Variants in NRG1 observed in about 807,000 individuals in gnomAD.
NRG1 encodes neuregulin 1.
A neutral mutation model predicts 63.8 loss-of-function variants in NRG1; 18 were observed. The ratio of observed to expected loss-of-function variants is 0.28; its 90% CI spans 0.19 to 0.42. The LOEUF (loss-of-function observed/expected upper bound fraction) is 0.42, where lower values mean the gene tolerates loss of function less well. NRG1 is among the 10% of genes least tolerant of loss of function. The probability of loss-of-function intolerance (pLI) is 1.00; values close to 1 mark genes in which losing one functional copy is unlikely to be tolerated. For missense variants in NRG1, 762 were observed against 814.7 expected (o/e 0.94, Z 0.79); for synonymous variants, 302 against 301.3 (o/e 1.00, Z -0.02).
In NRG1 at chr8:32,506,710, G is replaced by T. The variant is rs140237561; in HGVS notation, c.38-89118G>T. Among the ~76,000 whole-genome samples, 8 of 152,026 alleles carry T rather than the reference G, an allele frequency of 5.3e-5. No individual in the cohort carries two copies. In the East Asian group the frequency reaches 1.4e-3, roughly 26 times the overall value. ...ACCAGGCTCTCTGCAGAAATCTTGG[G>T]GGGTATGTGGGGGGATCTTTTTGAC... On this transcript the variant is annotated intron_variant, in intron 1 of 10. Transcript: ENST00000519301.
chr8:31,921,806 T>C (rs1254762394), intron 1 of NRG1, among the ~76,000 whole-genome samples: 2 of 152,210 alleles, frequency 1.3e-5, no homozygotes, highest in African/African-American at 4.8e-5. Flanking sequence ...TTGGTTGCAA[T>C]TATGGAGATG....
At chr8:32,736,738 A>C (rs1383529444) in intron 6 of NRG1, among the ~76,000 whole-genome samples, 2 of 152,094 alleles carry the variant, frequency 1.3e-5, no homozygotes, top group Non-Finnish European at 2.9e-5. Flanking sequence ...TTCCTGATCA[A>C]GGGAGGGTTT....
At chr8:32,628,426 C>T (rs937345447) in intron 5 of NRG1, among the ~76,000 whole-genome samples, 1 of 152,024 alleles carries the variant, frequency 6.6e-6, no homozygotes, top group Non-Finnish European at 1.5e-5. Flanking sequence ...TCCAAGTTAT[C>T]TGTGAGAAAA....
At chr8:31,985,820 G>A (rs187750716) in intron 1 of NRG1, among the ~76,000 whole-genome samples, 6 of 152,138 alleles carry the variant, frequency 3.9e-5, no homozygotes, top group Admixed American at 2.0e-4. Context: ...TATATTGTCC[G>A]TTCTTAGGGG....
chr8:32,009,705 C>A (rs891506049), intron 1 of NRG1, among the ~76,000 whole-genome samples: 6 of 151,906 alleles, frequency 3.9e-5, no homozygotes, highest in African/African-American at 1.4e-4. Flanking sequence ...TTAGACTCTT[C>A]AGACTAGATC....
chr8:32,335,648 A>G (rs752468931), intron 1 of NRG1, among the ~76,000 whole-genome samples: 4 of 152,192 alleles, frequency 2.6e-5, no homozygotes, highest in Non-Finnish European at 5.9e-5. Flanking sequence ...CCTTGCACAT[A>G]ATAGGCCTTC....
At chr8:31,718,274 C>T (rs1812558548) in intron 1 of NRG1, among the ~76,000 whole-genome samples, 1 of 152,008 alleles carries the variant, frequency 6.6e-6, no homozygotes, top group African/African-American at 2.4e-5. Context: ...AATTCTACAT[C>T]CCCTGTCTTT....
intron 1 of NRG1, among the ~76,000 whole-genome samples, chr8:31,691,426 T>C (rs1355154211): frequency 6.6e-6 from 1 of 151,552 alleles, no homozygotes; most frequent in Non-Finnish European, 1.5e-5. Context: ...AAACCCCGTC[T>C]CTACTAAAAA....
intron 1 of NRG1, among the ~76,000 whole-genome samples, chr8:31,894,096 T>C (rs912970415): frequency 6.6e-6 from 1 of 152,132 alleles, no homozygotes; most frequent in African/African-American, 2.4e-5. Flanking sequence ...TGACAGATTC[T>C]GATATAGATA....
At chr8:32,459,653 CT>C (rs988228295) in intron 1 of NRG1, among the ~76,000 whole-genome samples, 77 of 151,842 alleles carry the variant, frequency 5.1e-4, no homozygotes, top group Middle Eastern at 3.4e-3. Context: ...TTGTTGCTCC[CT>C]TGTTTAAACT....
intron 1 of NRG1, among the ~76,000 whole-genome samples, chr8:32,549,861 G>C (rs1200699588): frequency 6.6e-6 from 1 of 152,152 alleles, no homozygotes; most frequent in Non-Finnish European, 1.5e-5. Context: ...TTTATTTTTT[G>C]CCTCTGCAAT....
chr8:31,844,922 C>T (rs1034096809), intron 1 of NRG1, among the ~76,000 whole-genome samples: 5 of 151,902 alleles, frequency 3.3e-5, no homozygotes, highest in African/African-American at 1.2e-4. Flanking sequence ...GCCTGGCCAA[C>T]ATGGTGAAAC....
At chr8:31,791,335 G>A (rs1398597226) in intron 1 of NRG1, among the ~76,000 whole-genome samples, 1 of 152,048 alleles carries the variant, frequency 6.6e-6, no homozygotes, top group East Asian at 1.9e-4. Context: ...TAGTACCTAG[G>A]TACTACATAA....
At chr8:32,028,896 G>T (rs374213597) in intron 1 of NRG1, among the ~76,000 whole-genome samples, 1 of 50,840 alleles carries the variant, frequency 2.0e-5, no homozygotes, top group East Asian at 4.4e-4. Flanking sequence ...AATGAGTGAT[G>T]AAAAAGTTTT....
At chr8:32,029,946 CTAAA>C (rs1270056120) in intron 1 of NRG1, among the ~76,000 whole-genome samples, 1 of 151,922 alleles carries the variant, frequency 6.6e-6, no homozygotes, top group African/African-American at 2.4e-5. Flanking sequence ...TCTCTGGACT[CTAAA>C]TATTTTTCTT....
At chr8:32,696,020 C>G (rs1422983319) in intron 5 of NRG1, among the ~76,000 whole-genome samples, 1 of 152,176 alleles carries the variant, frequency 6.6e-6, no homozygotes, top group Non-Finnish European at 1.5e-5. Context: ...GCCTTGGCCT[C>G]CCTTCCCAGA....
chr8:32,079,924 A>G (rs1827188331), intron 1 of NRG1, among the ~76,000 whole-genome samples: 1 of 152,188 alleles, frequency 6.6e-6, no homozygotes, highest in African/African-American at 2.4e-5. Flanking sequence ...TATTACATGC[A>G]TACAAACCCA....
chr8:32,652,839 T>C (rs376266343), intron 5 of NRG1, among the ~76,000 whole-genome samples: 20 of 152,328 alleles, frequency 1.3e-4, no homozygotes, highest in Middle Eastern at 6.8e-3. Context: ...TTCCAAACCA[T>C]ACATCTGTGT....
chr8:32,483,038 C>G (rs1027873427), intron 1 of NRG1, among the ~76,000 whole-genome samples: 2 of 152,184 alleles, frequency 1.3e-5, no homozygotes, highest in Non-Finnish European at 2.9e-5. Flanking sequence ...CAGTTCCTGT[C>G]TTGTGTATGT....
Sources: allele counts gnomAD v4.1 joint callset (sites outside exome capture counted in the v4.1 genomes callset), GRCh38; gene constraint gnomAD v4.1.1; transcripts MANE v1.5; gene names NCBI Gene and HGNC (gene_info 2026-07-23, HGNC 2026-07-21).